MAP4K5: variants seen among roughly 807,000 people sequenced by gnomAD.
MAP4K5 encodes the protein MAPK/ERK kinase kinase kinase 5.
In MAP4K5, 82 loss-of-function variants were observed where a neutral mutation model predicts 135.6. The ratio of observed to expected loss-of-function variants is 0.60; its 90% CI spans 0.51 to 0.73. The LOEUF is 0.73. Ranked by LOEUF, MAP4K5 falls within the 30% of genes least tolerant of loss-of-function variation. The pLI, the probability that MAP4K5 is intolerant of heterozygous loss-of-function variation, is 0.00. For missense variants in MAP4K5, 907 were observed against 1,010.9 expected (o/e 0.90, Z 1.39); for synonymous variants, 347 against 335.0 (o/e 1.04, Z -0.39).
At chr14:50,491,318 ATC>A (rs1161664373) in intron 3 of MAP4K5, among the ~76,000 whole-genome samples, 4 of 150,612 alleles carry the variant, frequency 2.7e-5, no homozygotes, top group East Asian at 1.9e-4. Flanking sequence ...AAAGTCTATT[ATC>A]TCTCTTTTTT....
At chr14:50,447,243 C>T (rs554702846) in intron 16 of MAP4K5, among the ~76,000 whole-genome samples, 171 bp downstream of exon 16, 1 of 152,244 alleles carries the variant, frequency 6.6e-6, no homozygotes, top group South Asian at 2.1e-4. Flanking sequence ...AAATAAAAAA[C>T]CTTAATGATC....
intron 21 of MAP4K5, among the ~76,000 whole-genome samples, chr14:50,441,835 C>T (rs1436336523): frequency 6.6e-6 from 1 of 151,428 alleles, no homozygotes; most frequent in Non-Finnish European, 1.5e-5. Context: ...TTAATAGTGG[C>T]ATTTAAAGCC....
chr14:50,529,315 A>T (rs1054661522), intron 2 of MAP4K5, among the ~76,000 whole-genome samples: 6 of 152,080 alleles, frequency 3.9e-5, no homozygotes, highest in Non-Finnish European at 7.4e-5. Context: ...TCAGCCCGGG[A>T]GGTTGAGGCT....
In MAP4K5 at chr14:50,463,487, AC is replaced by A. The variant is rs750790388; in HGVS notation, c.819+564del. Among the ~76,000 whole-genome samples the A allele has an allele frequency of 2.2e-3, 339 of 152,246 alleles. 1 individual carries two copies. The highest frequency in any genetic ancestry group is 3.7e-3 in the Non-Finnish European group (251 of 68,018). ...ATTAAAACTATACCCACATATATAC[AC>A]TGTTTATGGCTGCTTCTGGGCTATA... On this transcript the variant is annotated intron_variant, in intron 12 of 32. Coordinates refer to ENST00000682126, the MANE Select transcript of MAP4K5 (RefSeq NM_006575.6).
intron 3 of MAP4K5, among the ~76,000 whole-genome samples, chr14:50,502,017 T>C (rs567803019): frequency 1.8e-4 from 27 of 152,276 alleles, no homozygotes; most frequent in Middle Eastern, 3.4e-3. Flanking sequence ...GACACACATA[T>C]AATACATTAA....
At chr14:50,528,267 C>G (rs917200474) in intron 2 of MAP4K5, among the ~76,000 whole-genome samples, 1 of 152,126 alleles carries the variant, frequency 6.6e-6, no homozygotes, top group African/African-American at 2.4e-5. Flanking sequence ...AGATTGAACT[C>G]TCCCTCTTGG....
intron 1 of MAP4K5, among the ~76,000 whole-genome samples, chr14:50,550,353 C>T (rs1253450633): frequency 6.6e-6 from 1 of 152,166 alleles, no homozygotes; most frequent in African/African-American, 2.4e-5. Context: ...CCATGAGGGT[C>T]CCTACTGAAC....
intron 5 of MAP4K5, chr14:50,482,865 TG>T (rs1314376751): frequency 6.5e-6 from 1 of 152,744 alleles, no homozygotes; most frequent in African/African-American, 2.4e-5. Context: ...ATTTCTCTTC[TG>T]ATTGTGAGCA....
At chr14:50,549,730 A>G (rs1024715983) in intron 1 of MAP4K5, among the ~76,000 whole-genome samples, 1 of 152,142 alleles carries the variant, frequency 6.6e-6, no homozygotes, top group Non-Finnish European at 1.5e-5. Flanking sequence ...AGGTTCCACT[A>G]CCATATAACC....
chr14:50,493,559 A>ATTTTCT lies in MAP4K5; in HGVS notation c.167-7366_167-7365insAGAAAA, dbSNP rs1361623609. Among the ~76,000 whole-genome samples the ATTTTCT allele has an allele frequency of 3.9e-5, 6 of 152,314 alleles. No individual in the cohort carries two copies. In the South Asian group the frequency reaches 1.2e-3, roughly 32 times the overall value. On this transcript the variant is annotated intron_variant, in intron 3 of 32. Transcript: ENST00000682126. ...ACGATCATATGTATAGAAAATCCTA[A>ATTTTCT]AGTCCATTAAAAAAATCTATTAGAA...
chr14:50,538,351 C>T (rs1466968426), intron 2 of MAP4K5, among the ~76,000 whole-genome samples: 6 of 152,110 alleles, frequency 3.9e-5, no homozygotes, highest in South Asian at 2.1e-4. Context: ...GTCTTGGGTA[C>T]GTCTTTATCA....
chr14:50,449,400 A>G (rs1012039502), intron 14 of MAP4K5: 3 of 152,176 alleles, frequency 2.0e-5, no homozygotes, highest in Non-Finnish European at 4.4e-5. Flanking sequence ...AACATAGAAA[A>G]GGAGGGTTTA....
chr14:50,428,768 AAC>A lies in MAP4K5; in HGVS notation c.2234-16_2234-15del. 1 of 1,327,466 alleles carries A rather than the reference AAC, an allele frequency of 7.5e-7. No individual in the cohort carries two copies. Among genetic ancestry groups the A allele is most frequent in the Non-Finnish European group, 1.0e-6 (1 of 973,290 alleles). The allele number at this position is 1,327,466 out of a possible 1,614,324, so 82.2% of individuals were successfully genotyped here. On this transcript the variant is annotated splice_polypyrimidine_tract_variant and intron_variant, in intron 29 of 32. Transcript: ENST00000682126. ...TTTTCACAAATTCTTAAAAAAAAAA[AAC>A]AAGTCAAGACTGGACATGCAAATCT... is the stretch of plus-strand genomic sequence containing the variant.
intron 13 of MAP4K5, among the ~76,000 whole-genome samples, chr14:50,458,778 C>A (rs1354801136): frequency 6.6e-6 from 1 of 152,042 alleles, no homozygotes; most frequent in African/African-American, 2.4e-5. Context: ...TATCTAATCA[C>A]TCTCAAATTT....
At position 50,503,105 on chromosome 14, in the gene MAP4K5, A is replaced by G. The variant is rs542067924; in HGVS notation, c.166+1695T>C. On this transcript the variant is annotated intron_variant, in intron 3 of 32. Transcript: ENST00000682126. ...TTCCACATGGAAAAAAAAAAGTATA[A>G]GCAGAGTGCAAAGACAGAAGACAAA... Among the ~76,000 whole-genome samples the G allele has an allele frequency of 2.5e-4, 38 of 152,224 alleles. No homozygotes were observed. The East Asian group carries it at 6.7e-3, about 27-fold the overall frequency.
At chr14:50,520,058 A>G (rs2038115892) in intron 2 of MAP4K5, among the ~76,000 whole-genome samples, 1 of 152,206 alleles carries the variant, frequency 6.6e-6, no homozygotes, top group South Asian at 2.1e-4. Context: ...GAGAAATAAC[A>G]CATTATTTCA....
chr14:50,435,077 T>G lies in MAP4K5; in HGVS notation c.1883-12A>C, dbSNP rs758118398. Reference sequence around the variant, plus strand: ...GTAAGGGTTTCTGACTGGAAAGAAATAAACAAACAAAAAACCCAGACACAC... The same window carrying G: ...GTAAGGGTTTCTGACTGGAAAGAAAGAAACAAACAAAAAACCCAGACACAC... On this transcript the variant is annotated splice_polypyrimidine_tract_variant and intron_variant, in intron 26 of 32. Coordinates refer to ENST00000682126, the MANE Select transcript of MAP4K5 (RefSeq NM_006575.6). The G allele has an allele frequency of 3.4e-6, 5 of 1,487,844 alleles. No individual in the cohort carries two copies. Among genetic ancestry groups the G allele is most frequent in the African/African-American group, 1.4e-5 (1 of 72,090 alleles). The allele number at this position is 1,487,844 out of a possible 1,614,324, so 92.2% of individuals were successfully genotyped here. A position where few individuals can be genotyped will look rare whatever the true frequency, so the allele number is the denominator to read the frequency against.
chr14:50,446,613 C>A (rs1174643251), intron 16 of MAP4K5, among the ~76,000 whole-genome samples: 2 of 152,196 alleles, frequency 1.3e-5, no homozygotes, highest in African/African-American at 4.8e-5. Flanking sequence ...GTCCCACACA[C>A]TTATCCACAG....
chr14:50,438,143 A>C, intron 23 of MAP4K5, 49 bp from the exon 24 acceptor site: 1 of 709,240 alleles, frequency 1.4e-6, no homozygotes, highest in Non-Finnish European at 2.6e-6. Flanking sequence ...AAATAGAAAA[A>C]CACACACAAA....
Sources: gnomAD v4.1 joint callset for allele counts (sites outside exome capture counted in the v4.1 genomes callset) on GRCh38, gnomAD v4.1.1 for gene constraint, MANE v1.5 for transcripts, NCBI Gene and HGNC (gene_info 2026-07-23, HGNC 2026-07-21) for gene names.